DENND1C: variants seen among roughly 807,000 people sequenced by gnomAD.
The protein encoded by DENND1C is DENN domain-containing protein 1C.
Under a neutral mutation model 87.9 loss-of-function variants are expected in DENND1C, and 64 were observed. The observed-to-expected ratio is 0.73, with a 90% CI of 0.60 to 0.90. The LOEUF (loss-of-function observed/expected upper bound fraction) is 0.90, where lower values mean the gene tolerates loss of function less well. Among genes scored for constraint, DENND1C ranks in the 40% least tolerant of loss-of-function variants. The pLI is 0.00. For missense variants in DENND1C, 980 were observed against 1,037.0 expected (o/e 0.95, Z 0.76); for synonymous variants, 384 against 424.4 (o/e 0.90, Z 1.17).
At chr19:6,469,078 C>T in intron 19 of DENND1C, 125 bp from the exon 20 acceptor site, 1 of 561,714 alleles carries the variant, frequency 1.8e-6, no homozygotes, top group Non-Finnish European at 2.8e-6. Flanking sequence ...GTTGCCCAGG[C>T]TGGAGTGCAG....
chr19:6,474,994 G>A (rs7252545), intron 14 of DENND1C, among the ~76,000 whole-genome samples: 82,053 of 151,638 alleles, frequency 0.54, 23,276 homozygotes, highest in Non-Finnish European at 0.65. Flanking sequence ...GCTTGAACCC[G>A]GGAGGCACTC....
chr19:6,480,512 A>G lies in DENND1C; in HGVS notation c.18-461T>C, dbSNP rs935690380. On this transcript the variant is annotated intron_variant, in intron 1 of 22. Coordinates refer to ENST00000381480, the MANE Select transcript of DENND1C (RefSeq NM_024898.4). Reference sequence around the variant, plus strand: ...TCTGTCTGTCTGTCTCTGTCTATCCATCCATCCATCCATCCACCCACCCAC... The same window carrying G: ...TCTGTCTGTCTGTCTCTGTCTATCCGTCCATCCATCCATCCACCCACCCAC... 20 of 973,916 alleles carry G rather than the reference A, an allele frequency of 2.1e-5. No homozygotes were observed. The African/African-American group carries it at 3.4e-4, about 16-fold the overall frequency. The allele number at this position is 973,916 out of a possible 1,614,324, so 60.3% of individuals were successfully genotyped here. A position where few individuals can be genotyped will look rare whatever the true frequency, so the allele number is the denominator to read the frequency against.
intron 15 of DENND1C, among the ~76,000 whole-genome samples, chr19:6,471,728 C>T (rs1026068701): frequency 6.6e-6 from 1 of 151,956 alleles, no homozygotes. Context: ...CTGCAACCTC[C>T]GCTTCCCGGG....
intron 11 of DENND1C, 39 bp downstream of exon 11, chr19:6,475,798 T>C: frequency 2.0e-6 from 3 of 1,524,850 alleles, no homozygotes; most frequent in Non-Finnish European, 2.6e-6. Flanking sequence ...CCCCAGGGCC[T>C]GCCCACAGGC....
chr19:6,475,760 C>T lies in DENND1C; in HGVS notation c.780-9G>A. 1 of 1,553,548 alleles carries T rather than the reference C, an allele frequency of 6.4e-7. No homozygotes were observed. The highest frequency in any genetic ancestry group is 8.7e-7 in the Non-Finnish European group (1 of 1,147,720). On this transcript the variant is annotated splice_polypyrimidine_tract_variant and intron_variant, in intron 11 of 22. Transcript: ENST00000381480. Reference sequence around the variant, plus strand: ...GGTAGGGCATGGGCGCGCTGCGGACCGAGGGGACGGGGTCATGCAGGCACC... The same window carrying T: ...GGTAGGGCATGGGCGCGCTGCGGACTGAGGGGACGGGGTCATGCAGGCACC...
At chr19:6,469,738 A>G in intron 18 of DENND1C, 98 bp from the exon 19 acceptor site, 1 of 1,321,824 alleles carries the variant, frequency 7.6e-7, no homozygotes, top group Non-Finnish European at 1.1e-6. Context: ...TTTTTTTGCC[A>G]TCTGCATGTC....
At position 6,467,744 on chromosome 19, in the gene DENND1C, T is replaced by G. The variant is rs2092803665; in HGVS notation, c.2166A>C (p.Thr722=). Residue 722 remains threonine, a synonymous_variant, in exon 23 of 23, where the codon ACA becomes ACC. Coordinates refer to ENST00000381480, the MANE Select transcript of DENND1C (RefSeq NM_024898.4). ...PPESPQILAP[T]KPNFDIAWTS... is the part of the protein sequence containing the mutation. Reference sequence around the variant, plus strand: ...TCCAGGCTATATCAAAGTTGGGCTTTGTGGGGGCCAGAATTTGGGGGCTTT... The same window carrying G: ...TCCAGGCTATATCAAAGTTGGGCTTGGTGGGGGCCAGAATTTGGGGGCTTT... 1 of 1,520,210 alleles carries G rather than the reference T, an allele frequency of 6.6e-7. No homozygotes were observed. The highest frequency in any genetic ancestry group is 8.8e-7 in the Non-Finnish European group (1 of 1,136,866). The allele number at this position is 1,520,210 out of a possible 1,614,324, so 94.2% of individuals were successfully genotyped here.
At position 6,479,911 on chromosome 19, in the gene DENND1C, G is replaced by A. The variant is rs1418556907; in HGVS notation, c.83-9C>T. 2 of 1,600,662 alleles carry A rather than the reference G, an allele frequency of 1.2e-6. No individual in the cohort carries two copies. The highest frequency in any genetic ancestry group is 1.7e-5 in the Admixed American group (1 of 57,360). ...CCGCAGGATGGGGGGATCTGTAGAA[G>A]AGAGCACGCCTCTAAGTTCAGCGAC... is the stretch of plus-strand genomic sequence containing the variant. On this transcript the variant is annotated splice_polypyrimidine_tract_variant and intron_variant, in intron 2 of 22. Coordinates refer to ENST00000381480, the MANE Select transcript of DENND1C (RefSeq NM_024898.4).
chr19:6,471,482 C>A lies in DENND1C; in HGVS notation c.1173G>T (p.Arg391=), dbSNP rs951923535. Residue 391 remains arginine (R), a synonymous_variant, in exon 16 of 23, where the codon CGG becomes CGT. Transcript: ENST00000381480. ...LQLFKQFIEA[R]LEKLNKGEGF... is the part of the protein sequence containing the mutation. ...CCTCCCCCTTGTTGAGCTTCTCCAGCCGGGCTTCGATGAACTGGGGTGGGG... is the reference window on the plus strand; with the variant it reads ...CCTCCCCCTTGTTGAGCTTCTCCAGACGGGCTTCGATGAACTGGGGTGGGG... The A allele has an allele frequency of 6.4e-7, 1 of 1,565,964 alleles. No individual in the cohort carries two copies.
rs2145198677 is a variant in DENND1C at position 6,475,472 on chromosome 19, G to C, written c.927+12C>G. On this transcript the variant is annotated intron_variant, in intron 13 of 22. Coordinates refer to ENST00000381480, the MANE Select transcript of DENND1C (RefSeq NM_024898.4). ...CCTCCCGGGGCAGGAAGGTGGGAGG[G>C]GCGACACTGACCACGTCTGGAGGCA... The C allele has an allele frequency of 1.2e-6, 2 of 1,613,814 alleles. No individual in the cohort carries two copies. Among genetic ancestry groups the C allele is most frequent in the Non-Finnish European group, 1.7e-6 (2 of 1,179,834 alleles).
At chr19:6,473,258 G>A (rs916563910) in intron 14 of DENND1C, among the ~76,000 whole-genome samples, 4 of 152,098 alleles carry the variant, frequency 2.6e-5, no homozygotes, top group Non-Finnish European at 5.9e-5. Flanking sequence ...GGGTTCAAGC[G>A]ATTCTCCTGC....
intron 6 of DENND1C, 150 bp downstream of exon 6, chr19:6,478,633 T>C: frequency 2.4e-6 from 2 of 838,400 alleles, no homozygotes; most frequent in Non-Finnish European, 3.7e-6. Context: ...GCTCAAGGGA[T>C]CCTCCCACCT....
intron 14 of DENND1C, among the ~76,000 whole-genome samples, chr19:6,474,213 A>AAAG (rs375154421): frequency 5.1e-4 from 74 of 145,504 alleles, no homozygotes; most frequent in South Asian, 3.3e-3. Flanking sequence ...AAAAAAAAAA[A>AAAG]AAGAAGAAGA....
chr19:6,467,354 A>G lies in DENND1C; in HGVS notation c.*150T>C. 1 of 1,074,682 alleles carries G rather than the reference A, an allele frequency of 9.3e-7. No homozygotes were observed. Among genetic ancestry groups the G allele is most frequent in the African/African-American group, 1.6e-5 (1 of 61,262 alleles). 66.6% of individuals were successfully genotyped at this position (1,074,682 alleles called of 1,614,324 possible). ...TGGAATTCCCTGCTAGGAGCCAGTT[A>G]GAGAGGCTGCCCTTGGAGGGACAGA... On this transcript the variant is annotated 3_prime_UTR_variant, in exon 23 of 23. Transcript: ENST00000381480.
At chr19:6,480,561 C>CCCATCTATCTATCTAT (rs1295403199) in intron 1 of DENND1C, 1 of 124,946 alleles carries the variant, frequency 8.0e-6, no homozygotes, top group African/African-American at 3.7e-5. Flanking sequence ...CACCCACCCA[C>CCCATCTATCTATCTAT]CTATCTATCT....
chr19:6,476,015 T>TC, intron 10 of DENND1C, 78 bp from the exon 11 acceptor site: 1 of 1,269,634 alleles, frequency 7.9e-7, no homozygotes. Context: ...ATTTCCCACG[T>TC]CCCCAGTCTC....
At position 6,475,768 on chromosome 19, in the gene DENND1C, C is replaced by T. The variant is rs775335834; in HGVS notation, c.780-17G>A. On this transcript the variant is annotated splice_polypyrimidine_tract_variant and intron_variant, in intron 11 of 22. Coordinates refer to ENST00000381480, the MANE Select transcript of DENND1C (RefSeq NM_024898.4). ...ATGGGCGCGCTGCGGACCGAGGGGA[C>T]GGGGTCATGCAGGCACCGCCCCCAG... 3 of 1,545,868 alleles carry T rather than the reference C, an allele frequency of 1.9e-6. No homozygotes were observed. The highest frequency in any genetic ancestry group is 2.6e-6 in the Non-Finnish European group (3 of 1,143,666).
intron 17 of DENND1C, among the ~76,000 whole-genome samples, chr19:6,470,708 A>T: frequency 7.7e-6 from 1 of 130,706 alleles, no homozygotes; most frequent in African/African-American, 3.0e-5. Flanking sequence ...TGCAACCTCC[A>T]CCTCCCTGGT....
At chr19:6,473,264 C>A (rs2092839347) in intron 14 of DENND1C, among the ~76,000 whole-genome samples, 1 of 152,150 alleles carries the variant, frequency 6.6e-6, no homozygotes, top group African/African-American at 2.4e-5. Flanking sequence ...AAGCGATTCT[C>A]CTGCCTCAGC....
Sources: allele counts gnomAD v4.1 joint callset (sites outside exome capture counted in the v4.1 genomes callset), GRCh38; gene constraint gnomAD v4.1.1; transcripts MANE v1.5; gene names NCBI Gene and HGNC (gene_info 2026-07-23, HGNC 2026-07-21).